The following ACP3 variants were observed in gnomAD, a reference collection of about 807,000 sequenced individuals.
The protein encoded by ACP3 is prostatic acid phosphatase.
A neutral mutation model predicts 45.6 loss-of-function variants in ACP3; 38 were observed. That is an observed-to-expected ratio of 0.83 (90% CI 0.64 to 1.09). The LOEUF (loss-of-function observed/expected upper bound fraction) is 1.09. Ranked by LOEUF, ACP3 falls within the 50% of genes least tolerant of loss-of-function variation. ACP3 has a pLI of 0.00. For missense variants in ACP3, 466 were observed against 463.2 expected (o/e 1.01, Z -0.05); for synonymous variants, 162 against 164.7 (o/e 0.98, Z 0.13).
intron 1 of ACP3, among the ~76,000 whole-genome samples, chr3:132,318,484 A>G (rs575726948): frequency 7.9e-5 from 12 of 151,742 alleles, no homozygotes; most frequent in Non-Finnish European, 1.6e-4. Context: ...CTGTTTCCTT[A>G]AAAATTAAAG....
chr3:132,351,870 G>C (rs1212063203), intron 8 of ACP3, among the ~76,000 whole-genome samples: 1 of 152,090 alleles, frequency 6.6e-6, no homozygotes, highest in South Asian at 2.1e-4. Context: ...GCAGAAAGGG[G>C]GTTGAAAACC....
At chr3:132,323,297 T>TCACC (rs1937237912) in intron 1 of ACP3, among the ~76,000 whole-genome samples, 1 of 152,314 alleles carries the variant, frequency 6.6e-6, no homozygotes, top group East Asian at 1.9e-4. Context: ...AATCCGAGAT[T>TCACC]CACCTGTTCA....
At chr3:132,344,635 A>G (rs1181032720) in intron 6 of ACP3, among the ~76,000 whole-genome samples, 2 of 152,174 alleles carry the variant, frequency 1.3e-5, no homozygotes, top group African/African-American at 4.8e-5. Flanking sequence ...TCATAAAGGA[A>G]TGAGGTATTA....
Position 132,357,058 on chromosome 3 carries a change from CT to C in ACP3, c.*182del. On this transcript the variant is annotated 3_prime_UTR_variant, in exon 10 of 10. Coordinates refer to ENST00000336375, the MANE Select transcript of ACP3 (RefSeq NM_001099.5). The stretch of plus-strand genomic sequence containing the variant: ...ACCTCTTCACCTGACCCTGCCCCCA[CT>C]TGCCATAAAACTTAGCTAAGTTTTG... The C allele has an allele frequency of 7.4e-7, 1 of 1,352,006 alleles. No homozygotes were observed. Among genetic ancestry groups the C allele is most frequent in the South Asian group, 2.0e-5 (1 of 49,580 alleles). The allele number at this position is 1,352,006 out of a possible 1,614,324, so 83.8% of individuals were successfully genotyped here. A position where few individuals can be genotyped will look rare whatever the true frequency, so the allele number is the denominator to read the frequency against.
chr3:132,336,687 C>T (rs1937496952), intron 4 of ACP3, among the ~76,000 whole-genome samples: 1 of 151,892 alleles, frequency 6.6e-6, no homozygotes, highest in African/African-American at 2.4e-5. Context: ...TCAGGGACAG[C>T]AAGAAGGCCC....
chr3:132,356,588 C>A (rs1937902736), intron 9 of ACP3, 98 bp from the exon 10 acceptor site: 2 of 1,584,848 alleles, frequency 1.3e-6, no homozygotes, highest in East Asian at 4.5e-5. Context: ...TTCCATTAGT[C>A]CCTCAACTGG....
rs534965665 is a variant in ACP3 at position 132,343,972 on chromosome 3, A to G, written c.649-955A>G. On this transcript the variant is annotated intron_variant, in intron 6 of 9. Transcript: ENST00000336375. Reference sequence around the variant, plus strand: ...AGCATAATGAGGCCCTACCTCTACAAAACACTTTTAAAAATTAGCCACGTG... The same window carrying G: ...AGCATAATGAGGCCCTACCTCTACAGAACACTTTTAAAAATTAGCCACGTG... 5.9e-5 allele frequency among the ~76,000 whole-genome samples: 9 copies of G among 152,140 alleles called. No individual in the cohort carries two copies. The East Asian group carries it at 1.5e-3, about 26-fold the overall frequency.
intron 5 of ACP3, among the ~76,000 whole-genome samples, chr3:132,342,306 G>A (rs143647154): frequency 7.5e-4 from 114 of 152,220 alleles, no homozygotes; most frequent in African/African-American, 2.6e-3. Flanking sequence ...GAAGAACAGC[G>A]GTTCTCAACA....
At chr3:132,362,375 T>C (rs1202712582), downstream of ACP3, among the ~76,000 whole-genome samples, 2 of 152,184 alleles carry the variant, frequency 1.3e-5, no homozygotes, top group African/African-American at 4.8e-5. Flanking sequence ...AAAATAGGAT[T>C]GGTGGGTCAA....
chr3:132,360,365 G>C (rs79197687), downstream of ACP3, among the ~76,000 whole-genome samples: 2 of 149,760 alleles, frequency 1.3e-5, no homozygotes, highest in Non-Finnish European at 3.0e-5. Flanking sequence ...TGAAAAAGCC[G>C]ATACAGGAAG....
chr3:132,338,370 T>C (rs1013286410), intron 5 of ACP3, among the ~76,000 whole-genome samples: 1 of 152,108 alleles, frequency 6.6e-6, no homozygotes, highest in African/African-American at 2.4e-5. Context: ...TTTCCTTTTT[T>C]TTAACAAATG....
chr3:132,362,119 CTCT>C (rs1938051284), downstream of ACP3, among the ~76,000 whole-genome samples: 3 of 152,074 alleles, frequency 2.0e-5, no homozygotes, highest in Non-Finnish European at 4.4e-5. Flanking sequence ...CTTCTGTCAT[CTCT>C]TTTTTTTTTA....
chr3:132,347,212 A>T (rs966518348), intron 7 of ACP3, among the ~76,000 whole-genome samples: 1 of 152,194 alleles, frequency 6.6e-6, no homozygotes, highest in African/African-American at 2.4e-5. Flanking sequence ...TTTCTGGAAA[A>T]AGTCCAGCGC....
intron 7 of ACP3, among the ~76,000 whole-genome samples, chr3:132,347,871 A>C (rs550278915): frequency 3.3e-5 from 5 of 151,210 alleles, no homozygotes; most frequent in East Asian, 3.9e-4. Context: ...ACACACACAC[A>C]CCAAAAAAAT....
intron 2 of ACP3, among the ~76,000 whole-genome samples, chr3:132,330,294 G>T (rs1006169658): frequency 6.6e-6 from 1 of 151,980 alleles, no homozygotes; most frequent in Non-Finnish European, 1.5e-5. Context: ...CTTTTAATCT[G>T]CCTTGTCTAG....
rs1937950586 is a variant in ACP3, at chr3:132,358,033, CAAT to C, written c.*1158_*1160del. Reference sequence around the variant, plus strand: ...AGGGCAAGAGAGCGAGACCCTGTCTCAATAAATAAATAAATAAATAAATAAATA... The same window carrying C: ...AGGGCAAGAGAGCGAGACCCTGTCTCAAATAAATAAATAAATAAATAAATA... On this transcript the variant is annotated 3_prime_UTR_variant, in exon 10 of 10. Transcript: ENST00000336375. The C allele has an allele frequency of 7.9e-6, 1 of 127,248 alleles. No individual in the cohort carries two copies. The highest frequency in any genetic ancestry group is 1.7e-5 in the Non-Finnish European group (1 of 60,378). The allele number at this position is 127,248 out of a possible 1,614,324, so 7.9% of individuals were successfully genotyped here.
At position 132,349,557 on chromosome 3, in the gene ACP3, C is replaced by G. The variant is rs114799705; in HGVS notation, c.782-363C>G. Among the ~76,000 whole-genome samples, 347 of 152,256 alleles carry G rather than the reference C, an allele frequency of 2.3e-3. 2 individuals carry two copies. Among genetic ancestry groups the G allele is most frequent in the African/African-American group, 8.1e-3 (336 of 41,542 alleles). ...AATTATCTTTTATGATCTGAAAAAG[C>G]TGTCTGAAGTTCCTTCCAAGCTTAT... On this transcript the variant is annotated intron_variant, in intron 7 of 9. Coordinates refer to ENST00000336375, the MANE Select transcript of ACP3 (RefSeq NM_001099.5).
At position 132,352,874 on chromosome 3, in the gene ACP3, A is replaced by T. The variant is rs527780753; in HGVS notation, c.968+51A>T. On this transcript the variant is annotated intron_variant, in intron 9 of 9. Transcript: ENST00000336375. ...TCAGTATCACTGGACCTTGGGTTTC[A>T]TTATTATTATTTTGGGTTAAGGGTT... is the stretch of plus-strand genomic sequence containing the variant. 3 of 1,329,942 alleles carry T rather than the reference A, an allele frequency of 2.3e-6. No individual in the cohort carries two copies. In the South Asian group the frequency reaches 3.5e-5, roughly 16 times the overall value. The allele number at this position is 1,329,942 out of a possible 1,614,324, so 82.4% of individuals were successfully genotyped here.
At chr3:132,334,558 A>T (rs758833572) in intron 4 of ACP3, among the ~76,000 whole-genome samples, 1 of 152,214 alleles carries the variant, frequency 6.6e-6, no homozygotes, top group Non-Finnish European at 1.5e-5. Flanking sequence ...TGCAGTTACC[A>T]CAGGGCCGTC....
Sources: gnomAD v4.1 joint callset for allele counts (sites outside exome capture counted in the v4.1 genomes callset) on GRCh38, gnomAD v4.1.1 for gene constraint, MANE v1.5 for transcripts, NCBI Gene and HGNC (gene_info 2026-07-23, HGNC 2026-07-21) for gene names.